NCAM2: variants seen among roughly 807,000 people sequenced by gnomAD.
NCAM2 encodes the protein neural cell adhesion molecule 2, also known as N-CAM-2.
Under a neutral mutation model 98.1 loss-of-function variants are expected in NCAM2, and 30 were observed. The ratio of observed to expected loss-of-function variants is 0.31; its 90% CI spans 0.23 to 0.41. The LOEUF is 0.41. NCAM2 is among the 10% of genes least tolerant of loss of function. NCAM2 has a pLI of 1.00. For missense variants in NCAM2, 867 were observed against 1,005.8 expected (o/e 0.86, Z 1.87); for synonymous variants, 368 against 342.4 (o/e 1.07, Z -0.83).
At chr21:21,530,244 TTAA>T (rs1737253409) in intron 16 of NCAM2, among the ~76,000 whole-genome samples, 1 of 127,770 alleles carries the variant, frequency 7.8e-6, no homozygotes, top group South Asian at 2.7e-4. Flanking sequence ...TTAATTTAAA[TTAA>T]TTATATATAA....
intron 1 of NCAM2, among the ~76,000 whole-genome samples, chr21:21,263,468 A>G (rs959474170): frequency 6.6e-6 from 1 of 152,084 alleles, no homozygotes; most frequent in Non-Finnish European, 1.5e-5. Flanking sequence ...AATGAAATTC[A>G]TATAAAATTA....
rs181293610 is a variant in NCAM2 at position 21,215,417 on chromosome 21, A to G, written c.56-65161A>G. 4.6e-5 allele frequency among the ~76,000 whole-genome samples: 7 copies of G among 152,258 alleles called. No individual in the cohort carries two copies. In the East Asian group the frequency reaches 9.7e-4, roughly 21 times the overall value. On this transcript the variant is annotated intron_variant, in intron 1 of 17. Transcript: ENST00000400546. ...ATTCTTAAATGTTGCTCTAATAAAT[A>G]GAGTTTGTACATGTTTCAGTCTCTT...
chr21:21,042,727 T>A (rs1378715287), intron 1 of NCAM2, among the ~76,000 whole-genome samples: 1 of 152,130 alleles, frequency 6.6e-6, no homozygotes, highest in African/African-American at 2.4e-5. Flanking sequence ...GCACCTGAAA[T>A]GGGCTAGAGG....
chr21:21,478,346 A>G (rs1985427922), intron 15 of NCAM2, among the ~76,000 whole-genome samples: 1 of 152,058 alleles, frequency 6.6e-6, no homozygotes, highest in African/African-American at 2.4e-5. Context: ...ACAGCATATT[A>G]ATCCATGAAA....
intron 11 of NCAM2, among the ~76,000 whole-genome samples, chr21:21,425,659 AAG>A (rs767977302): frequency 3.3e-5 from 5 of 152,286 alleles, no homozygotes; most frequent in East Asian, 1.9e-4. Flanking sequence ...AAAAAAATGA[AAG>A]AAATTTTTCA....
chr21:21,345,036 C>T (rs2075149888), intron 8 of NCAM2, among the ~76,000 whole-genome samples: 1 of 152,094 alleles, frequency 6.6e-6, no homozygotes, highest in Admixed American at 6.6e-5. Context: ...AAGGCATTAC[C>T]TCTATGAGTC....
chr21:21,358,514 T>G (rs1785010129), intron 8 of NCAM2, among the ~76,000 whole-genome samples: 1 of 151,990 alleles, frequency 6.6e-6, no homozygotes, highest in Non-Finnish European at 1.5e-5. Context: ...CACATCCACT[T>G]TCATGAAACA....
At chr21:21,393,812 A>T (rs1253765876) in intron 9 of NCAM2, among the ~76,000 whole-genome samples, 2 of 152,194 alleles carry the variant, frequency 1.3e-5, no homozygotes, top group African/African-American at 4.8e-5. Flanking sequence ...AATATATAAC[A>T]TAACCAATAG....
At chr21:21,134,161 CGG>C (rs1328834947) in intron 1 of NCAM2, among the ~76,000 whole-genome samples, 1 of 151,638 alleles carries the variant, frequency 6.6e-6, no homozygotes, top group Non-Finnish European at 1.5e-5. Flanking sequence ...CTCCGCCTCC[CGG>C]GTCCAGGAGA....
In NCAM2 at chr21:21,080,451, C is replaced by T. The variant is rs188669499; in HGVS notation, c.55+81833C>T. On this transcript the variant is annotated intron_variant, in intron 1 of 17. Transcript: ENST00000400546. ...GACCAACATGGAGAAACCCCATCTC[C>T]ACTAAAAATACAAAATTATTCAGGT... is the stretch of plus-strand genomic sequence containing the variant. 1.4e-3 allele frequency among the ~76,000 whole-genome samples: 209 copies of T among 151,570 alleles called. 1 individual carries two copies. Among genetic ancestry groups the T allele is most frequent in the African/African-American group, 5.0e-3 (207 of 41,358 alleles).
At chr21:21,513,331 T>A (rs74537599) in intron 16 of NCAM2, among the ~76,000 whole-genome samples, 1 of 152,142 alleles carries the variant, frequency 6.6e-6, no homozygotes, top group African/African-American at 2.4e-5. Context: ...TAGGTGTTTA[T>A]TGCTGTAATA....
At chr21:21,479,565 C>CAG (rs1985604295) in intron 15 of NCAM2, among the ~76,000 whole-genome samples, 1 of 71,404 alleles carries the variant, frequency 1.4e-5, no homozygotes, top group African/African-American at 4.7e-5. Flanking sequence ...GCCTGGGAGA[C>CAG]AGAGCGAGAC....
At chr21:21,212,867 C>T (rs537053752) in intron 1 of NCAM2, among the ~76,000 whole-genome samples, 3 of 151,958 alleles carry the variant, frequency 2.0e-5, no homozygotes, top group Admixed American at 6.6e-5. Flanking sequence ...CTCAGCCTCC[C>T]GAGTAGCTGG....
intron 8 of NCAM2, 60 bp from the exon 9 acceptor site, chr21:21,373,803 G>C (rs868687391): frequency 2.2e-6 from 3 of 1,377,428 alleles, no homozygotes; most frequent in African/African-American, 3.0e-5. Flanking sequence ...TTATATGTTT[G>C]GTCACCATTT....
At chr21:21,196,757 G>A (rs2069017943) in intron 1 of NCAM2, among the ~76,000 whole-genome samples, 1 of 152,204 alleles carries the variant, frequency 6.6e-6, no homozygotes, top group Non-Finnish European at 1.5e-5. Context: ...AGGTGAACTA[G>A]TTTGGATCTG....
At chr21:21,403,600 T>A (rs2076677528) in intron 9 of NCAM2, among the ~76,000 whole-genome samples, 2 of 152,212 alleles carry the variant, frequency 1.3e-5, no homozygotes, top group Non-Finnish European at 2.9e-5. Flanking sequence ...ACATAAATTT[T>A]GATATTATTT....
At chr21:21,296,352 T>C (rs1160205762) in intron 5 of NCAM2, among the ~76,000 whole-genome samples, 1 of 151,856 alleles carries the variant, frequency 6.6e-6, no homozygotes, top group Non-Finnish European at 1.5e-5. Flanking sequence ...AAAACTGTTA[T>C]TTAGGAGAAT....
chr21:21,456,969 T>G (rs917407214), intron 12 of NCAM2, among the ~76,000 whole-genome samples: 4 of 152,170 alleles, frequency 2.6e-5, no homozygotes, highest in Non-Finnish European at 5.9e-5. Flanking sequence ...ATAAGCCACT[T>G]AGTCTAAGAT....
chr21:21,307,874 G>GA (rs2073933218), intron 5 of NCAM2, among the ~76,000 whole-genome samples: 1 of 151,996 alleles, frequency 6.6e-6, no homozygotes, highest in African/African-American at 2.4e-5. Flanking sequence ...AGATGAAAAG[G>GA]GGATCATGTG....
Sources: gnomAD v4.1 joint callset for allele counts (sites outside exome capture counted in the v4.1 genomes callset) on GRCh38, gnomAD v4.1.1 for gene constraint, MANE v1.5 for transcripts, NCBI Gene and HGNC (gene_info 2026-07-23, HGNC 2026-07-21) for gene names.